The following SPATA13 variants were observed in gnomAD, a reference collection of about 807,000 sequenced individuals.
The protein encoded by SPATA13 is spermatogenesis associated 13.
A neutral mutation model predicts 104.0 loss-of-function variants in SPATA13; 50 were observed. The ratio of observed to expected loss-of-function variants is 0.48; its 90% confidence interval spans 0.38 to 0.61. SPATA13 has a LOEUF of 0.61. Ranked by LOEUF, SPATA13 falls within the 20% of genes least tolerant of loss-of-function variation. SPATA13 has a pLI of 0.00. For missense variants in SPATA13, 1,524 were observed against 1,690.6 expected (o/e 0.90, Z 1.73); for synonymous variants, 606 against 667.5 (o/e 0.91, Z 1.42).
intron 3 of SPATA13, among the ~76,000 whole-genome samples, chr13:24,063,612 C>T (rs939299732): frequency 6.6e-6 from 1 of 152,122 alleles, no homozygotes; most frequent in African/African-American, 2.4e-5. Flanking sequence ...CCCTGGCTGC[C>T]ATCCAATTAC....
At chr13:24,263,169 T>C (rs1442484122) in intron 4 of SPATA13, among the ~76,000 whole-genome samples, 1 of 152,260 alleles carries the variant, frequency 6.6e-6, no homozygotes, top group Non-Finnish European at 1.5e-5. Flanking sequence ...TTTTGTTCTC[T>C]TGTTTTTTGA....
At chr13:24,138,029 A>G (rs7990616) in intron 3 of SPATA13, among the ~76,000 whole-genome samples, 99,298 of 151,396 alleles carry the variant, frequency 0.66, 33,160 homozygotes, top group East Asian at 0.9. Flanking sequence ...GGCCAGGCGT[A>G]GTGGCTCGCG....
intron 1 of SPATA13, among the ~76,000 whole-genome samples, chr13:24,177,865 G>T (rs539641092): frequency 8.6e-4 from 130 of 151,886 alleles, no homozygotes; most frequent in African/African-American, 2.9e-3. Flanking sequence ...TTCAACATAT[G>T]AATTTTTTTT....
At chr13:24,037,819 C>T (rs1374383710) in intron 3 of SPATA13, among the ~76,000 whole-genome samples, 8 of 152,072 alleles carry the variant, frequency 5.3e-5, no homozygotes, top group Non-Finnish European at 7.4e-5. Context: ...ACCCCCAGAA[C>T]TTGTAAGTGA....
intron 3 of SPATA13, among the ~76,000 whole-genome samples, chr13:24,081,549 A>G (rs567020157): frequency 1.3e-5 from 2 of 152,012 alleles, no homozygotes; most frequent in Non-Finnish European, 2.9e-5. Context: ...TGACTCATGC[A>G]TGTAATCGCA....
In SPATA13 at chr13:24,223,996, G is replaced by A. The variant is rs968819745; in HGVS notation, c.1067G>A (p.Arg356Gln). 9 of 1,548,594 alleles carry A rather than the reference G, an allele frequency of 5.8e-6. No individual in the cohort carries two copies. Among genetic ancestry groups the A allele is most frequent in the African/African-American group, 2.7e-5 (2 of 73,000 alleles). The change falls in exon 2 of 13, where the codon CGG (arginine) becomes CAG (glutamine). Residue 356 changes from arginine (R) to glutamine (Q), a missense_variant. By Grantham distance (43) the Arg-to-Gln change is conservative. Coordinates refer to ENST00000382108, the MANE Select transcript of SPATA13 (RefSeq NM_001166271.3). ...AGCCTGAGACTTCAGGCACACAGCC[G>A]GCTGCATGACGACTACTCCCGCCGC... ...EASLRLQAHS[R>Q]LHDDYSRRVS... is the part of the protein sequence containing the mutation.
At chr13:24,030,038 C>T (rs921612178) in intron 3 of SPATA13, among the ~76,000 whole-genome samples, 1 of 146,134 alleles carries the variant, frequency 6.8e-6, no homozygotes. Context: ...ATATGCCCTA[C>T]CTTCTCCTAA....
chr13:24,142,854 C>T lies in SPATA13; in HGVS notation c.-111-79965C>T, dbSNP rs538119526. Among the ~76,000 whole-genome samples, 39 of 152,296 alleles carry T rather than the reference C, an allele frequency of 2.6e-4. No homozygotes were observed. In the South Asian group the frequency reaches 7.7e-3, roughly 30 times the overall value. Reference sequence around the variant, plus strand: ...CCAGGATTCCCTTGGAAGAGTGTTTCCCTTCCCCTGGGGAGCCCGAGGAAA... The same window carrying T: ...CCAGGATTCCCTTGGAAGAGTGTTTTCCTTCCCCTGGGGAGCCCGAGGAAA... On this transcript the variant is annotated intron_variant, in intron 3 of 14. Coordinates refer to the SPATA13 transcript ENST00000424834.
At chr13:24,263,530 T>C (rs1433995992) in intron 4 of SPATA13, among the ~76,000 whole-genome samples, 2 of 152,224 alleles carry the variant, frequency 1.3e-5, no homozygotes, top group African/African-American at 2.4e-5. Context: ...GTCCCTGATA[T>C]AAAATGGCCT....
At position 24,088,425 on chromosome 13, in the gene SPATA13, T is replaced by C. The variant is rs1298582726; in HGVS notation, c.-112+70724T>C. Among the ~76,000 whole-genome samples the C allele has an allele frequency of 6.6e-6, 1 of 152,102 alleles. No homozygotes were observed. On this transcript the variant is annotated intron_variant, in intron 3 of 14. Coordinates refer to the SPATA13 transcript ENST00000424834. This position sits in a 1 kb window ranked among gnomAD's most constrained non-coding sequence, Gnocchi z 4.3. ...GGAGCCGCAGTTTCCTTTCTTCCTC[T>C]TGAGATGAAGACACATGAGAACCCA... is the stretch of plus-strand genomic sequence containing the variant.
intron 1 of SPATA13, among the ~76,000 whole-genome samples, chr13:24,162,094 G>T: frequency 6.6e-6 from 1 of 151,426 alleles, no homozygotes; most frequent in African/African-American, 2.4e-5. Context: ...CCTGTTCTCT[G>T]CCCTCCTCCC....
chr13:24,302,870 T>G lies in SPATA13; in HGVS notation c.*97T>G. On this transcript the variant is annotated 3_prime_UTR_variant, in exon 13 of 13. Coordinates refer to ENST00000382108, the MANE Select transcript of SPATA13 (RefSeq NM_001166271.3). The stretch of plus-strand genomic sequence containing the variant: ...TCCAGGGAAAGTTTCTTGGACCCAG[T>G]GATAAAAACTTCCTTTTAGGGATCA... The G allele has an allele frequency of 6.7e-7, 1 of 1,498,722 alleles. No homozygotes were observed. The highest frequency in any genetic ancestry group is 1.1e-5 in the South Asian group (1 of 87,258). The allele number at this position is 1,498,722 out of a possible 1,614,324, so 92.8% of individuals were successfully genotyped here. A position where few individuals can be genotyped will look rare whatever the true frequency, so the allele number is the denominator to read the frequency against.
intron 3 of SPATA13, among the ~76,000 whole-genome samples, chr13:24,125,908 A>G (rs1881197969): frequency 6.6e-6 from 1 of 152,212 alleles, no homozygotes; most frequent in Non-Finnish European, 1.5e-5. Flanking sequence ...CCACTCTGGA[A>G]TGTGGATTTC....
intron 3 of SPATA13, among the ~76,000 whole-genome samples, chr13:24,116,659 C>A (rs144758463): frequency 6.6e-6 from 1 of 152,088 alleles, no homozygotes; most frequent in African/African-American, 2.4e-5. Flanking sequence ...AATGCAAAGT[C>A]ACTGAGGTAG....
chr13:24,291,056 G>A (rs1354078053), intron 9 of SPATA13, among the ~76,000 whole-genome samples, 172 bp downstream of exon 9: 1 of 152,232 alleles, frequency 6.6e-6, no homozygotes, highest in African/African-American at 2.4e-5. Flanking sequence ...TATTGAAATA[G>A]AGTGGTTGAA....
At chr13:24,163,093 G>C (rs1383808157) in intron 1 of SPATA13, among the ~76,000 whole-genome samples, 1 of 152,188 alleles carries the variant, frequency 6.6e-6, no homozygotes, top group Non-Finnish European at 1.5e-5. Context: ...AAGCCCTGAA[G>C]AAAGTGGCAT....
intron 1 of SPATA13, among the ~76,000 whole-genome samples, chr13:24,207,942 T>C (rs7329958): frequency 0.69 from 104,424 of 152,036 alleles, 36,122 homozygotes; most frequent in South Asian, 0.83. Flanking sequence ...TAATAGAGGG[T>C]AGTTGTGTTG....
chr13:24,230,113 G>A (rs1424175308), intron 2 of SPATA13, among the ~76,000 whole-genome samples: 1 of 152,210 alleles, frequency 6.6e-6, no homozygotes, highest in African/African-American at 2.4e-5. Flanking sequence ...TGTGATTGGA[G>A]AGAACAGGAA....
chr13:24,207,535 A>G (rs1389038313), intron 1 of SPATA13, among the ~76,000 whole-genome samples: 1 of 136,210 alleles, frequency 7.3e-6, no homozygotes, highest in African/African-American at 2.7e-5. Context: ...ACTATTTCAC[A>G]TTTCCACCAA....
Sources: allele counts gnomAD v4.1 joint callset (sites outside exome capture counted in the v4.1 genomes callset), GRCh38; gene constraint gnomAD v4.1.1; non-coding constraint Gnocchi (gnomAD v3.1); transcripts MANE v1.5; gene names NCBI Gene and HGNC (gene_info 2026-07-23, HGNC 2026-07-21).